Variants in GPC6 observed in about 807,000 individuals in gnomAD.
The protein encoded by GPC6 is glypican 6.
In GPC6, 14 loss-of-function variants were observed where a neutral mutation model predicts 55.2. The observed-to-expected ratio is 0.25, with a 90% CI of 0.17 to 0.40. The LOEUF is 0.40. Ranked by LOEUF, GPC6 falls within the 10% of genes least tolerant of loss-of-function variation. GPC6 has a pLI of 1.00. For missense variants in GPC6, 641 were observed against 708.5 expected (o/e 0.90, Z 1.08); for synonymous variants, 278 against 259.6 (o/e 1.07, Z -0.68).
chr13:93,413,120 G>T (rs75714494), intron 1 of GPC6, among the ~76,000 whole-genome samples: 2,541 of 152,192 alleles, frequency 0.017, 37 homozygotes, highest in Non-Finnish European at 0.025. Context: ...ATGTTGTGTT[G>T]GTCTGAGTTT....
At chr13:93,562,155 T>C (rs547432813) in intron 2 of GPC6, among the ~76,000 whole-genome samples, 2 of 152,098 alleles carry the variant, frequency 1.3e-5, no homozygotes, top group African/African-American at 4.8e-5. Flanking sequence ...GCCTTTCCCT[T>C]GTGATGCATA....
intron 1 of GPC6, among the ~76,000 whole-genome samples, chr13:93,289,429 GAC>G (rs1878245906): frequency 1.3e-5 from 2 of 152,078 alleles, no homozygotes; most frequent in Non-Finnish European, 2.9e-5. Flanking sequence ...TACACTGAAA[GAC>G]AATCAAAAAG....
At chr13:94,086,947 C>T (rs1452652931) in intron 4 of GPC6, among the ~76,000 whole-genome samples, 1 of 152,092 alleles carries the variant, frequency 6.6e-6, no homozygotes, top group African/African-American at 2.4e-5. Context: ...AGTTGCCTTG[C>T]CTTAAAAACT....
intron 4 of GPC6, among the ~76,000 whole-genome samples, chr13:94,053,536 T>C (rs557365773): frequency 6.6e-6 from 1 of 152,282 alleles, no homozygotes. Flanking sequence ...GAAGCTGCAG[T>C]GAACCATGGT....
chr13:94,035,916 T>G (rs1423067092), intron 4 of GPC6, among the ~76,000 whole-genome samples: 2 of 151,996 alleles, frequency 1.3e-5, no homozygotes, highest in Non-Finnish European at 2.9e-5. Context: ...TGAGTTTTCT[T>G]TTTCCTCAGG....
chr13:93,899,646 C>T (rs147128075), intron 3 of GPC6, among the ~76,000 whole-genome samples: 75 of 152,080 alleles, frequency 4.9e-4, no homozygotes, highest in African/African-American at 1.5e-3. Context: ...GTTGGCAGTA[C>T]AATTTTAATG....
chr13:94,389,325 G>A (rs1227677608), intron 7 of GPC6, among the ~76,000 whole-genome samples: 6 of 152,256 alleles, frequency 3.9e-5, no homozygotes, highest in African/African-American at 1.4e-4. Context: ...AGGGCGTTCT[G>A]GGCAGTCGGT....
intron 4 of GPC6, among the ~76,000 whole-genome samples, chr13:94,255,835 G>A (rs919386385): frequency 2.0e-5 from 3 of 152,146 alleles, no homozygotes; most frequent in African/African-American, 7.2e-5. Flanking sequence ...ATCATAGAGG[G>A]AATCAACTTG....
At chr13:93,691,054 C>T (rs865938462) in intron 2 of GPC6, among the ~76,000 whole-genome samples, 6 of 152,166 alleles carry the variant, frequency 3.9e-5, no homozygotes, top group Admixed American at 6.6e-5. Context: ...CTGTCCAGAG[C>T]GGTTTTCTCT....
intron 6 of GPC6, among the ~76,000 whole-genome samples, chr13:94,336,312 G>C (rs1877697147): frequency 6.6e-6 from 1 of 152,128 alleles, no homozygotes; most frequent in Admixed American, 6.5e-5. Flanking sequence ...GTGTGAACTA[G>C]CTCAAAATAT....
At position 93,445,961 on chromosome 13, in the gene GPC6, CAG is replaced by C. The variant is rs555959065; in HGVS notation, c.161-99297_161-99296del. On this transcript the variant is annotated intron_variant, in intron 1 of 8. Coordinates refer to ENST00000377047, the MANE Select transcript of GPC6 (RefSeq NM_005708.5). ...AATACACCTTCATAGGCAAATATGG[CAG>C]AGAGGGTGAAGGAAACGGATAAAAA... Among the ~76,000 whole-genome samples the C allele has an allele frequency of 1.1e-4, 17 of 152,146 alleles. No homozygotes were observed. In the East Asian group the frequency reaches 3.1e-3, roughly 28 times the overall value.
intron 3 of GPC6, among the ~76,000 whole-genome samples, chr13:93,873,306 A>C (rs1281891006): frequency 6.6e-6 from 1 of 151,948 alleles, no homozygotes; most frequent in Admixed American, 6.6e-5. Context: ...TCTGTTTAAC[A>C]TTGCCTCTTT....
chr13:94,000,389 G>T (rs1327590659), intron 3 of GPC6, among the ~76,000 whole-genome samples: 1 of 152,152 alleles, frequency 6.6e-6, no homozygotes, highest in Non-Finnish European at 1.5e-5. Context: ...TTGTGTCTGT[G>T]TGCTAGCATA....
chr13:93,627,677 CTGT>C (rs1439632921), intron 2 of GPC6, among the ~76,000 whole-genome samples: 1 of 141,328 alleles, frequency 7.1e-6, no homozygotes, highest in Admixed American at 7.3e-5. Flanking sequence ...AATTAAGCTG[CTGT>C]TATTAGGTTT....
At chr13:94,152,646 A>G (rs894120446) in intron 4 of GPC6, among the ~76,000 whole-genome samples, 13 of 142,442 alleles carry the variant, frequency 9.1e-5, no homozygotes, top group South Asian at 6.9e-4. Flanking sequence ...CTACATCCTC[A>G]AGCCTACTTT....
chr13:94,215,704 G>C (rs571641712), intron 4 of GPC6, among the ~76,000 whole-genome samples: 1 of 151,944 alleles, frequency 6.6e-6, no homozygotes, highest in Non-Finnish European at 1.5e-5. Flanking sequence ...TTACATTGAA[G>C]GGAAAAAAAT....
intron 1 of GPC6, among the ~76,000 whole-genome samples, chr13:93,270,948 A>C (rs1052053522): frequency 6.6e-6 from 1 of 152,218 alleles, no homozygotes; most frequent in Non-Finnish European, 1.5e-5. Flanking sequence ...GCTTTCTGCC[A>C]ATTTCCAGCA....
chr13:94,013,943 CT>C (rs1366874283), intron 3 of GPC6, among the ~76,000 whole-genome samples: 2 of 152,086 alleles, frequency 1.3e-5, no homozygotes, highest in African/African-American at 4.8e-5. Flanking sequence ...CTTCATAAGC[CT>C]CATGCTTTTC....
chr13:93,975,475 A>T (rs919741122), intron 3 of GPC6, among the ~76,000 whole-genome samples: 1 of 152,190 alleles, frequency 6.6e-6, no homozygotes, highest in Non-Finnish European at 1.5e-5. Context: ...AAGTCAACAG[A>T]TGACTACAAA....
Sources: gnomAD v4.1 joint callset for allele counts (sites outside exome capture counted in the v4.1 genomes callset) on GRCh38, gnomAD v4.1.1 for gene constraint, MANE v1.5 for transcripts, NCBI Gene and HGNC (gene_info 2026-07-23, HGNC 2026-07-21) for gene names.